The following CADPS2 variants were observed in gnomAD, a reference collection of about 807,000 sequenced individuals.
The protein encoded by CADPS2 is calcium dependent secretion activator 2.
CADPS2 carries 93 observed loss-of-function variants against 172.5 expected under a neutral mutation model. That is an observed-to-expected ratio of 0.54 (90% CI 0.46 to 0.64). The LOEUF (loss-of-function observed/expected upper bound fraction) is 0.64, where lower values mean the gene tolerates loss of function less well. Ranked by LOEUF, CADPS2 falls within the 30% of genes least tolerant of loss-of-function variation. CADPS2 has a pLI of 0.00. For missense variants in CADPS2, 1,420 were observed against 1,565.9 expected (o/e 0.91, Z 1.57); for synonymous variants, 546 against 555.2 (o/e 0.98, Z 0.23).
chr7:122,796,264 T>C (rs192520472), intron 1 of CADPS2, among the ~76,000 whole-genome samples: 1 of 152,314 alleles, frequency 6.6e-6, no homozygotes, highest in Admixed American at 6.5e-5. Context: ...GACTCAATAT[T>C]GTTAAATTGG....
At chr7:122,708,216 C>G (rs1468954641) in intron 2 of CADPS2, among the ~76,000 whole-genome samples, 1 of 151,264 alleles carries the variant, frequency 6.6e-6, no homozygotes, top group Non-Finnish European at 1.5e-5. Context: ...TTTTTAATAC[C>G]CAGCTTCTAG....
At chr7:122,668,407 A>AC (rs1180677746) in intron 2 of CADPS2, among the ~76,000 whole-genome samples, 3 of 151,594 alleles carry the variant, frequency 2.0e-5, no homozygotes, top group African/African-American at 7.3e-5. Context: ...ATGGTTAAAA[A>AC]AAAAAAAAAA....
At chr7:122,360,649 T>G (rs2040004008) in intron 27 of CADPS2, 139 bp downstream of exon 27, 1 of 707,998 alleles carries the variant, frequency 1.4e-6, no homozygotes. Context: ...GTTATGAAGG[T>G]TAGTGCTTGC....
intron 27 of CADPS2, among the ~76,000 whole-genome samples, chr7:122,356,126 A>G (rs1263010621): frequency 6.6e-6 from 1 of 152,008 alleles, no homozygotes; most frequent in African/African-American, 2.4e-5. Flanking sequence ...TTTTTACCCA[A>G]TATCCTTTTT....
intron 3 of CADPS2, among the ~76,000 whole-genome samples, chr7:122,630,109 TCTTGA>T (rs1285150892): frequency 1.3e-5 from 2 of 152,176 alleles, no homozygotes; most frequent in African/African-American, 2.4e-5. Context: ...GTTAATTTTC[TCTTGA>T]CTTTAGTTTT....
chr7:122,768,598 A>G (rs1057483907), intron 1 of CADPS2, among the ~76,000 whole-genome samples: 2 of 152,184 alleles, frequency 1.3e-5, no homozygotes, highest in Admixed American at 1.3e-4. Context: ...ATGCCTAAAA[A>G]GGAATCAAAA....
At chr7:122,445,066 T>C (rs747893945) in intron 15 of CADPS2, among the ~76,000 whole-genome samples, 4 of 152,210 alleles carry the variant, frequency 2.6e-5, no homozygotes, top group South Asian at 2.1e-4. Context: ...ACCATATATG[T>C]GTGTGAGTCT....
At chr7:122,502,710 GAATAA>G (rs746341171) in intron 9 of CADPS2, among the ~76,000 whole-genome samples, 178 of 152,026 alleles carry the variant, frequency 1.2e-3, no homozygotes, top group Middle Eastern at 6.8e-3. Context: ...TATTTTACAA[GAATAA>G]AATAAACCAT....
intron 7 of CADPS2, among the ~76,000 whole-genome samples, chr7:122,556,437 T>C (rs2065036457): frequency 6.6e-6 from 1 of 152,158 alleles, no homozygotes; most frequent in African/African-American, 2.4e-5. Flanking sequence ...ATGAGCCACT[T>C]ACAGACTTTA....
chr7:122,516,616 CTA>C (rs750800605), intron 8 of CADPS2, among the ~76,000 whole-genome samples: 2 of 151,896 alleles, frequency 1.3e-5, no homozygotes, highest in Admixed American at 6.6e-5. Context: ...CAAAAACAAT[CTA>C]AAAATCAAAA....
At chr7:122,618,836 A>T (rs533663777) in intron 5 of CADPS2, among the ~76,000 whole-genome samples, 2 of 152,308 alleles carry the variant, frequency 1.3e-5, no homozygotes, top group East Asian at 3.9e-4. Flanking sequence ...GCACTGCACC[A>T]TCGTCACTTA....
chr7:122,794,534 T>C (rs1381126405), intron 1 of CADPS2, among the ~76,000 whole-genome samples: 2 of 151,932 alleles, frequency 1.3e-5, no homozygotes, highest in Admixed American at 6.6e-5. Flanking sequence ...GAGCTTGACA[T>C]CCCACTGACA....
At chr7:122,736,521 T>C (rs2137789037) in intron 2 of CADPS2, among the ~76,000 whole-genome samples, 1 of 152,294 alleles carries the variant, frequency 6.6e-6, no homozygotes, top group South Asian at 2.1e-4. Context: ...GTATTATTTC[T>C]TTAGGAAGCA....
intron 7 of CADPS2, among the ~76,000 whole-genome samples, chr7:122,571,784 G>C (rs1019061992): frequency 6.6e-6 from 1 of 152,088 alleles, no homozygotes; most frequent in Non-Finnish European, 1.5e-5. Context: ...GCCATATGTA[G>C]CCAATACATG....
chr7:122,322,339 AT>A (rs1297368014), intron 29 of CADPS2, among the ~76,000 whole-genome samples: 2 of 152,230 alleles, frequency 1.3e-5, no homozygotes, highest in African/African-American at 4.8e-5. Flanking sequence ...AGGCTTTCTA[AT>A]TTATATATAA....
intron 28 of CADPS2, among the ~76,000 whole-genome samples, chr7:122,328,976 T>C (rs2034441087): frequency 6.6e-6 from 1 of 152,140 alleles, no homozygotes; most frequent in Non-Finnish European, 1.5e-5. Context: ...AGCAACAAGC[T>C]GAAGGGCTCA....
chr7:122,738,652 A>G lies in CADPS2; in HGVS notation c.340-1584T>C, dbSNP rs188751473. On this transcript the variant is annotated intron_variant, in intron 1 of 29. Coordinates refer to ENST00000449022, the MANE Select transcript of CADPS2 (RefSeq NM_017954.11). ...ACAAACTGGTATGACTTGGCTCAAAAAGAAGGCTGATGTGAATTAAGTATA... is the reference window on the plus strand; with the variant it reads ...ACAAACTGGTATGACTTGGCTCAAAGAGAAGGCTGATGTGAATTAAGTATA... Among the ~76,000 whole-genome samples the G allele has an allele frequency of 6.4e-4, 97 of 152,212 alleles. 1 individual carries two copies. In the Middle Eastern group the frequency reaches 0.017, roughly 27 times the overall value.
chr7:122,611,319 G>A (rs2074262577), intron 6 of CADPS2, among the ~76,000 whole-genome samples: 1 of 151,722 alleles, frequency 6.6e-6, no homozygotes, highest in African/African-American at 2.4e-5. Context: ...GATGGGCTAA[G>A]AAAAAAGAAA....
intron 2 of CADPS2, among the ~76,000 whole-genome samples, chr7:122,694,198 C>G (rs2136107622): frequency 6.6e-6 from 1 of 152,198 alleles, no homozygotes; most frequent in Non-Finnish European, 1.5e-5. Context: ...TGCTTCTAGG[C>G]TGAAGCTGGA....
Sources: gnomAD v4.1 joint callset for allele counts (sites outside exome capture counted in the v4.1 genomes callset) on GRCh38, gnomAD v4.1.1 for gene constraint, MANE v1.5 for transcripts, NCBI Gene and HGNC (gene_info 2026-07-23, HGNC 2026-07-21) for gene names.